The following HUWE1 variants were observed in gnomAD, a reference collection of about 807,000 sequenced individuals.
HUWE1 encodes the protein E3 ubiquitin-protein ligase HUWE1.
Under a neutral mutation model 299.4 loss-of-function variants are expected in HUWE1, and 18 were observed. The ratio of observed to expected loss-of-function variants is 0.06; its 90% CI spans 0.04 to 0.09. The LOEUF (loss-of-function observed/expected upper bound fraction) is 0.09. Ranked by LOEUF, HUWE1 falls within the 10% of genes least tolerant of loss-of-function variation. The pLI, the probability that HUWE1 is intolerant of heterozygous loss-of-function variation, is 1.00. For synonymous variants in HUWE1, 1,317 were observed against 1,286.1 expected (o/e 1.02, Z -0.51); for missense variants, 1,832 against 3,462.3 (o/e 0.53, Z 11.82).
At chrX:53,533,561 C>A (rs1293938995) in intron 83 of HUWE1, 150 bp from the exon 84 acceptor site, 9 of 496,021 alleles carry the variant, frequency 1.8e-5, no homozygotes, top group Non-Finnish European at 3.2e-5. Flanking sequence ...CCCAGTATGT[C>A]CCCCTTTATC....
Position 53,592,353 on chromosome X carries a change from T to C in HUWE1, c.3972+45A>G, listed in dbSNP as rs145991393. 6,404 of 947,296 alleles carry C rather than the reference T, an allele frequency of 6.8e-3. 21 individuals carry two copies. Among genetic ancestry groups the C allele is most frequent in the Non-Finnish European group, 9.0e-3 (5,928 of 660,033 alleles). 78.1% of individuals were successfully genotyped at this position (947,296 alleles called of 1,213,427 possible). A position where few individuals can be genotyped will look rare whatever the true frequency, so the allele number is the denominator to read the frequency against. ...GAAAATCCGTAAGCATCACACTCCA[T>C]TGGGTGCAAAGTCTGGACCCTGGAG... On this transcript the variant is annotated intron_variant, in intron 33 of 83. Coordinates refer to ENST00000262854, the MANE Select transcript of HUWE1 (RefSeq NM_031407.7).
chrX:53,554,486 A>G (rs1556932202), intron 61 of HUWE1, 147 bp downstream of exon 61: 2 of 561,497 alleles, frequency 3.6e-6, no homozygotes, highest in African/African-American at 4.6e-5. Flanking sequence ...AACTTCACTT[A>G]AGAAAGTGAA....
intron 83 of HUWE1, 152 bp from the exon 84 acceptor site, chrX:53,533,563 C>G (rs889119350): frequency 4.3e-5 from 21 of 493,993 alleles, no homozygotes; most frequent in East Asian, 1.1e-4. Flanking sequence ...CAGTATGTCC[C>G]CCTTTATCTG....
intron 3 of HUWE1, among the ~76,000 whole-genome samples, chrX:53,659,240 G>A (rs1337300889): frequency 8.9e-6 from 1 of 112,495 alleles, no homozygotes; most frequent in Non-Finnish European, 1.9e-5. Flanking sequence ...ACAAAAACCT[G>A]CACATGGATG....
intron 27 of HUWE1, 39 bp downstream of exon 27, chrX:53,603,329 T>C (rs1556993022): frequency 8.4e-7 from 1 of 1,194,044 alleles, no homozygotes; most frequent in South Asian, 1.8e-5. Context: ...TCACCGAACT[T>C]AGATAACAAA....
chrX:53,645,735 AAATATATATATAT>A (rs1210212070), intron 6 of HUWE1, among the ~76,000 whole-genome samples: 9,445 of 26,103 alleles, frequency 0.36, 1,108 homozygotes, highest in East Asian at 0.51. Context: ...AAAAAAAAAA[AAATATATATATAT>A]ATATATATAT....
intron 3 of HUWE1, among the ~76,000 whole-genome samples, chrX:53,679,475 AG>A (rs782561898): frequency 3.6e-5 from 4 of 112,028 alleles, no homozygotes; most frequent in Non-Finnish European, 7.5e-5. Flanking sequence ...TAATCCATTG[AG>A]GGGGGCAGTG....
chrX:53,574,399 C>G (rs781873253), intron 46 of HUWE1, among the ~76,000 whole-genome samples: 123 of 112,363 alleles, frequency 1.1e-3, no homozygotes, highest in African/African-American at 3.9e-3. Context: ...CCAAGTATGC[C>G]TTCATTCTGG....
chrX:53,538,538 T>G, intron 76 of HUWE1, 84 bp from the exon 77 acceptor site: 5 of 651,497 alleles, frequency 7.7e-6, no homozygotes, highest in African/African-American at 2.2e-5. Context: ...CAACTCTCTC[T>G]TCCTTCCTCT....
intron 2 of HUWE1, among the ~76,000 whole-genome samples, chrX:53,684,986 G>C (rs1405449360): frequency 8.9e-6 from 1 of 111,886 alleles, no homozygotes; most frequent in Non-Finnish European, 1.9e-5. Context: ...CAAGCTTCGG[G>C]GATGGGGGGA....
At position 53,584,034 on chromosome X, in the gene HUWE1, T is replaced by TAC. The variant is rs1433087327; in HGVS notation, c.5162-120_5162-119dup. 3.5e-5 allele frequency: 28 copies of TAC among 801,337 alleles called. No individual in the cohort carries two copies. The African/African-American group carries it at 5.5e-4, about 16-fold the overall frequency. The allele number at this position is 801,337 out of a possible 1,213,427, so 66.0% of individuals were successfully genotyped here. A position where few individuals can be genotyped will look rare whatever the true frequency, so the allele number is the denominator to read the frequency against. ...GTCCTATTAAGAGAAGCATGCCAAA[T>TAC]ACCAATTTTAAGATCAGATGAAAAA... On this transcript the variant is annotated intron_variant, in intron 41 of 83. Transcript: ENST00000262854.
At chrX:53,556,005 T>C (rs1437879885) in intron 60 of HUWE1, among the ~76,000 whole-genome samples, 1 of 112,155 alleles carries the variant, frequency 8.9e-6, no homozygotes. Flanking sequence ...ACTAATAAAA[T>C]GCAATCATTA....
rs1556992319 is a variant in HUWE1, at chrX:53,602,707, TG to T, written c.2877-50del. 10 of 574,955 alleles carry T rather than the reference TG, an allele frequency of 1.7e-5. No individual in the cohort carries two copies. In the African/African-American group the frequency reaches 2.4e-4, roughly 14 times the overall value. The allele number at this position is 574,955 out of a possible 1,213,427, so 47.4% of individuals were successfully genotyped here. ...AAAAGAAATATATATATATATATAC[TG>T]ATAATTCACCTCTTATATTGTAAAT... On this transcript the variant is annotated intron_variant, in intron 27 of 83. Coordinates refer to ENST00000262854, the MANE Select transcript of HUWE1 (RefSeq NM_031407.7).
In HUWE1 at chrX:53,546,521, C is replaced by A; in HGVS notation, c.10830G>T (p.Arg3610=). 1 of 1,209,722 alleles carries A rather than the reference C, an allele frequency of 8.3e-7. No individual in the cohort carries two copies. The highest frequency in any genetic ancestry group is 1.7e-5 in the African/African-American group (1 of 57,787). ...DAANVLLQLS[R]GDSGTRDTVL... ...CAGTGTCCCGGGTCCCAGAGTCCCC[C>A]CGGGAGAGCTGCAGTAGTACGTTGG... Residue 3610 remains arginine (R), a synonymous_variant, in exon 70 of 84, where the codon CGG becomes CGT. Transcript: ENST00000262854.
intron 43 of HUWE1, among the ~76,000 whole-genome samples, chrX:53,580,216 C>T (rs1556965778): frequency 9.0e-6 from 1 of 111,569 alleles, no homozygotes; most frequent in African/African-American, 3.3e-5. Flanking sequence ...GATACAATTA[C>T]ATTACCTAAT....
At position 53,552,373 on chromosome X, in the gene HUWE1, G is replaced by C; in HGVS notation, c.8819C>G (p.Ser2940Cys). The C allele has an allele frequency of 8.3e-7, 1 of 1,211,361 alleles. No homozygotes were observed. Reference protein sequence around the residue: ...DSAVAISGADSRGILEEPLPS... With the variant: ...DSAVAISGADCRGILEEPLPS... ...CAACGGCTCTTCTAGGATTCCTCGG[G>C]AATCTGCTCCAGAAATGGCCACGGC... The change falls in exon 63 of 84, where the codon TCC (serine) becomes TGC (cysteine). Residue 2940 changes from serine to cysteine, a missense_variant. Transcript: ENST00000262854.
intron 83 of HUWE1, 75 bp downstream of exon 83, chrX:53,533,932 G>T (rs2060883376): frequency 1.0e-6 from 1 of 988,966 alleles, no homozygotes; most frequent in Non-Finnish European, 1.4e-6. Context: ...CCCAATCTTG[G>T]GTAGGGTCCT....
At chrX:53,546,287 C>A (rs1837241094) in intron 70 of HUWE1, 149 bp downstream of exon 70, 4 of 555,607 alleles carry the variant, frequency 7.2e-6, no homozygotes, top group Non-Finnish European at 1.2e-5. Flanking sequence ...CCAGGGTAAT[C>A]TGTGTTACGA....
At chrX:53,609,412 A>G (rs1462753827) in intron 23 of HUWE1, among the ~76,000 whole-genome samples, 1 of 112,432 alleles carries the variant, frequency 8.9e-6, no homozygotes, top group East Asian at 2.8e-4. Flanking sequence ...ATGTTTTTGC[A>G]TCACGTTTAA....
Sources: allele counts gnomAD v4.1 joint callset (sites outside exome capture counted in the v4.1 genomes callset), GRCh38; gene constraint gnomAD v4.1.1; transcripts MANE v1.5; gene names NCBI Gene and HGNC (gene_info 2026-07-23, HGNC 2026-07-21).